Variants in PACC1 observed in about 807,000 individuals in gnomAD.
The protein encoded by PACC1 is proton activated chloride channel 1.
In PACC1, 34 loss-of-function variants were observed where a neutral mutation model predicts 39.7. The ratio of observed to expected loss-of-function variants is 0.86; its 90% confidence interval spans 0.65 to 1.14. The LOEUF (loss-of-function observed/expected upper bound fraction) is 1.14, where lower values mean the gene tolerates loss of function less well. Ranked by LOEUF, PACC1 falls within the 50% of genes most tolerant of loss-of-function variation. The pLI is 0.00. For synonymous variants in PACC1, 127 were observed against 160.6 expected (o/e 0.79, Z 1.58); for missense variants, 379 against 436.4 (o/e 0.87, Z 1.17).
intron 4 of PACC1, 42 bp downstream of exon 4, chr1:212,385,232 C>G: frequency 6.2e-7 from 1 of 1,612,130 alleles, no homozygotes; most frequent in Non-Finnish European, 8.5e-7. Context: ...GCGGGGCTAA[C>G]AGAGCAGCTG....
chr1:212,393,216 C>A (rs959388587), intron 2 of PACC1, among the ~76,000 whole-genome samples: 2 of 152,142 alleles, frequency 1.3e-5, no homozygotes, highest in African/African-American at 2.4e-5. Flanking sequence ...TGAAAAAGAA[C>A]AGAAATTATA....
intron 2 of PACC1, among the ~76,000 whole-genome samples, chr1:212,394,069 C>A (rs1485717239): frequency 6.6e-6 from 1 of 152,092 alleles, no homozygotes; most frequent in Non-Finnish European, 1.5e-5. Context: ...AAGAGGGAAT[C>A]CTCCCTAACT....
intron 7 of PACC1, among the ~76,000 whole-genome samples, chr1:212,366,635 A>G (rs540071457): frequency 1.6e-4 from 25 of 152,306 alleles, no homozygotes; most frequent in Non-Finnish European, 2.8e-4. Context: ...GAAAATGGTG[A>G]TACCACCACT....
intron 1 of PACC1, among the ~76,000 whole-genome samples, chr1:212,413,422 G>C (rs1346039345): frequency 1.7e-5 from 2 of 117,312 alleles, no homozygotes; most frequent in East Asian, 4.7e-4. Flanking sequence ...GACTAAGACA[G>C]AAGGCAGCAA....
At position 212,414,729 on chromosome 1, in the gene PACC1, T is replaced by C. The variant is rs750666229; in HGVS notation, c.29A>G (p.Tyr10Cys). Residue 10 changes from tyrosine to cysteine, a missense_variant, in exon 1 of 8, where the codon TAC (tyrosine) becomes TGC (cysteine). Physicochemically the swap from Tyr to Cys is radical, Grantham distance 194 (BLOSUM62 -2). Coordinates refer to ENST00000261455, the MANE Select transcript of PACC1 (RefSeq NM_018252.3). MIRQERSTS[Y>C]QELSEELVQV... The stretch of plus-strand genomic sequence containing the variant: ...TCTCTCACAACCTCGTACCTCCTGG[T>C]AGGATGTGGAGCGCTCCTGCCGGAT... The C allele has an allele frequency of 6.2e-7, 1 of 1,612,506 alleles. No individual in the cohort carries two copies. The highest frequency in any genetic ancestry group is 8.5e-7 in the Non-Finnish European group (1 of 1,179,094).
In PACC1 at chr1:212,377,557, C is replaced by CCT; in HGVS notation, c.783+3_783+4dup. On this transcript the variant is annotated splice_donor_region_variant and intron_variant, in intron 6 of 7. Coordinates refer to ENST00000261455, the MANE Select transcript of PACC1 (RefSeq NM_018252.3). ...GCAGTTTCAAGCAAACCCAGAGCCACCTACCTCCTGCCGGAACTCCACTGC... is the reference window on the plus strand; with the variant it reads ...GCAGTTTCAAGCAAACCCAGAGCCACCTCTACCTCCTGCCGGAACTCCACTGC... 6.2e-7 allele frequency: 1 copy of CCT among 1,614,056 alleles called. No individual in the cohort carries two copies.
chr1:212,376,491 G>A lies in PACC1; in HGVS notation c.783+1071C>T, dbSNP rs552535174. 4.7e-4 allele frequency among the ~76,000 whole-genome samples: 71 copies of A among 152,274 alleles called. 2 individuals are homozygous for A. In the Middle Eastern group the frequency reaches 0.01, roughly 22 times the overall value. ...AGCTATCAGAAAATCCAGGGTAGAT[G>A]GGGTTGAACTTAATTGTAAGGTAAG... On this transcript the variant is annotated intron_variant, in intron 6 of 7. Coordinates refer to ENST00000261455, the MANE Select transcript of PACC1 (RefSeq NM_018252.3).
chr1:212,372,072 G>T (rs1281495304), intron 7 of PACC1, among the ~76,000 whole-genome samples: 2 of 152,080 alleles, frequency 1.3e-5, no homozygotes, highest in Non-Finnish European at 2.9e-5. Context: ...ATCACTTGAG[G>T]TCAGGAGTTT....
chr1:212,387,962 G>A (rs1558173546), intron 2 of PACC1, among the ~76,000 whole-genome samples: 1 of 150,642 alleles, frequency 6.6e-6, no homozygotes, highest in Non-Finnish European at 1.5e-5. Flanking sequence ...GCTGAGGCAG[G>A]AGAATTGCTT....
At chr1:212,375,447 A>C in intron 6 of PACC1, 147 bp from the exon 7 acceptor site, 5 of 591,824 alleles carry the variant, frequency 8.4e-6, no homozygotes, top group Non-Finnish European at 1.5e-5. Flanking sequence ...CAAAAATCTC[A>C]TATATACAAG....
In PACC1 at chr1:212,410,518, T is replaced by G. The variant is rs1558184747; in HGVS notation, c.40A>C (p.Ser14Arg). The G allele has an allele frequency of 1.2e-6, 2 of 1,614,028 alleles. No individual in the cohort carries two copies. The highest frequency in any genetic ancestry group is 1.3e-5 in the African/African-American group (1 of 75,030). Residue 14 changes from serine (S) to arginine (R), a missense_variant, in exon 2 of 8, where the codon AGT (serine) becomes CGT (arginine). Transcript: ENST00000261455. ...TCAACCACCTGGACCAACTCCTCAC[T>G]CAGCTAAAGGGAGAAGCAAAGAGAG... ...QERSTSYQEL[S>R]EELVQVVENS...
At chr1:212,391,006 C>T (rs1029269565) in intron 2 of PACC1, among the ~76,000 whole-genome samples, 2 of 152,242 alleles carry the variant, frequency 1.3e-5, no homozygotes, top group Admixed American at 6.5e-5. Context: ...GTAGGCTCCA[C>T]CTCTGGGGGC....
At position 212,388,551 on chromosome 1, in the gene PACC1, C is replaced by T. The variant is rs138259545; in HGVS notation, c.134-1451G>A. 3.3e-4 allele frequency among the ~76,000 whole-genome samples: 50 copies of T among 152,188 alleles called. No homozygotes were observed. In the East Asian group the frequency reaches 9.3e-3, roughly 28 times the overall value. ...GTGGCCATAAGGATGAGGCCTGATC[C>T]AATAGGACCAGAATCCTTATAAGAG... On this transcript the variant is annotated intron_variant, in intron 2 of 7. Transcript: ENST00000261455.
Position 212,365,289 on chromosome 1 carries a change from TCA to T in PACC1, c.977_978del (p.Leu326GlnfsTer9). On this transcript the variant is annotated frameshift_variant, in exon 8 of 8. Coordinates refer to ENST00000261455, the MANE Select transcript of PACC1 (RefSeq NM_018252.3). LOFTEE classifies it high-confidence loss of function. Reference protein sequence around the residue: ...ALFKAAEFAKLSIKWMIKIRK... With the variant: ...ALFKAAEFAKXSIKWMIKIRK... ...CTAATTTTGATCATCCATTTTATAC[TCA>T]GTTTGGCAAACTCTGCTGCTTTAAA... 1 of 1,613,998 alleles carries T rather than the reference TCA, an allele frequency of 6.2e-7. No homozygotes were observed. The highest frequency in any genetic ancestry group is 8.5e-7 in the Non-Finnish European group (1 of 1,180,002).
In PACC1 at chr1:212,364,206, C is replaced by T. The variant is rs1660152506; in HGVS notation, c.*1009G>A. 1 of 152,122 alleles carries T rather than the reference C, an allele frequency of 6.6e-6. No homozygotes were observed. The highest frequency in any genetic ancestry group is 1.5e-5 in the Non-Finnish European group (1 of 68,024). The allele number at this position is 152,122 out of a possible 1,614,324, so 9.4% of individuals were successfully genotyped here. ...TAAAAGCTTTTTGAGGGTCACACTG[C>T]GTATGCCCCTTCCTCATATGATGGG... On this transcript the variant is annotated 3_prime_UTR_variant, in exon 8 of 8. Transcript: ENST00000261455.
chr1:212,410,141 A>C (rs1282445218), intron 2 of PACC1: 1 of 365,930 alleles, frequency 2.7e-6, no homozygotes. Context: ...AGCAGTTTCC[A>C]GGGAAAGAGG....
intron 1 of PACC1, chr1:212,413,809 G>A: frequency 1.4e-6 from 2 of 1,383,418 alleles, no homozygotes. Flanking sequence ...AATCTGGAGA[G>A]TATAAGAGAC....
At chr1:212,406,848 C>A (rs558942410) in intron 2 of PACC1, among the ~76,000 whole-genome samples, 1 of 152,298 alleles carries the variant, frequency 6.6e-6, no homozygotes, top group Admixed American at 6.5e-5. Context: ...GACATTAGGG[C>A]CACCTCCTGA....
intron 2 of PACC1, among the ~76,000 whole-genome samples, chr1:212,402,399 T>C (rs1040934057): frequency 1.3e-5 from 2 of 152,240 alleles, no homozygotes; most frequent in Admixed American, 6.5e-5. Flanking sequence ...TAGAGTTGCA[T>C]TTCCTTGATG....
Sources: gnomAD v4.1 joint callset for allele counts (sites outside exome capture counted in the v4.1 genomes callset) on GRCh38, gnomAD v4.1.1 for gene constraint, MANE v1.5 for transcripts, NCBI Gene and HGNC (gene_info 2026-07-23, HGNC 2026-07-21) for gene names.